The following MAN1C1 variants were observed in gnomAD, a reference collection of about 807,000 sequenced individuals.
MAN1C1 encodes the protein mannosidase alpha class 1C member 1, also known as mannosyl-oligosaccharide 1,2-alpha-mannosidase IC.
Under a neutral mutation model 71.5 loss-of-function variants are expected in MAN1C1, and 49 were observed. That is an observed-to-expected ratio of 0.69 (90% CI 0.54 to 0.87). The LOEUF (loss-of-function observed/expected upper bound fraction) is 0.87, where lower values mean the gene tolerates loss of function less well. MAN1C1 is among the 40% of genes least tolerant of loss of function. MAN1C1 has a pLI of 0.00. For missense variants in MAN1C1, 743 were observed against 835.0 expected (o/e 0.89, Z 1.36); for synonymous variants, 352 against 343.7 (o/e 1.02, Z -0.27).
rs753734076 is a variant in MAN1C1 at position 25,617,881 on chromosome 1, C to A, written c.84C>A (p.Phe28Leu). The A allele has an allele frequency of 5.6e-6, 9 of 1,608,622 alleles. No individual in the cohort carries two copies. The highest frequency in any genetic ancestry group is 7.6e-6 in the Non-Finnish European group (9 of 1,178,348). Reference protein sequence around the residue: ...RLPQKFLFLLFLSGLVTLCFG... With the variant: ...RLPQKFLFLLLLSGLVTLCFG... ...CGCAGAAGTTCCTCTTCCTCCTCTT[C>A]CTCTCGGGCCTGGTCACCCTGTGCT... Residue 28 changes from phenylalanine (F) to leucine (L), a missense_variant, in exon 1 of 12, where the codon TTC becomes TTA. Phe to Leu is a conservative substitution (Grantham distance 22). Transcript: ENST00000374332. This position sits in a 1 kb window ranked among gnomAD's most constrained non-coding sequence, Gnocchi z 5.1.
rs1343442300 is a variant in MAN1C1 at position 25,686,359 on chromosome 1, CA to C, written c.541-79del. ...TATCTTTTAGTTTAAAAACACGTTG[CA>C]AGGGGCAAAGCCAGGCGGCCAGTGC... On this transcript the variant is annotated intron_variant, in intron 1 of 11. Coordinates refer to ENST00000374332, the MANE Select transcript of MAN1C1 (RefSeq NM_020379.4). 2.5e-6 allele frequency: 3 copies of C among 1,177,840 alleles called. No individual in the cohort carries two copies. In the African/African-American group the frequency reaches 4.6e-5, roughly 18 times the overall value. The allele number at this position is 1,177,840 out of a possible 1,614,324, so 73.0% of individuals were successfully genotyped here.
intron 1 of MAN1C1, among the ~76,000 whole-genome samples, chr1:25,662,965 A>G (rs1387186784): frequency 1.3e-5 from 2 of 151,758 alleles, no homozygotes; most frequent in Non-Finnish European, 2.9e-5. Flanking sequence ...AGGCTGAGGC[A>G]GAAGAATTGC....
chr1:25,749,111 G>A, intron 3 of MAN1C1, 144 bp from the exon 4 acceptor site: 1 of 587,062 alleles, frequency 1.7e-6, no homozygotes, highest in Admixed American at 3.2e-5. Context: ...CTTGACTTTT[G>A]TTATGAAAAC....
At chr1:25,665,528 C>T (rs1162341810) in intron 1 of MAN1C1, among the ~76,000 whole-genome samples, 5 of 152,168 alleles carry the variant, frequency 3.3e-5, no homozygotes, top group East Asian at 1.9e-4. Context: ...CTTTGGATAA[C>T]GCTGTGTCCC....
At chr1:25,712,368 C>G (rs964573912) in intron 2 of MAN1C1, among the ~76,000 whole-genome samples, 2 of 152,200 alleles carry the variant, frequency 1.3e-5, no homozygotes, top group African/African-American at 2.4e-5. Context: ...GTGGGCTGCT[C>G]TCAGGGAGGG....
At chr1:25,757,277 A>G (rs560518091) in intron 5 of MAN1C1, among the ~76,000 whole-genome samples, 1 of 152,328 alleles carries the variant, frequency 6.6e-6, no homozygotes, top group African/African-American at 2.4e-5. Context: ...CTGGGAGGGC[A>G]GTGTGACCAG....
intron 1 of MAN1C1, among the ~76,000 whole-genome samples, chr1:25,632,589 G>A (rs893232013): frequency 6.6e-6 from 1 of 152,162 alleles, no homozygotes; most frequent in Admixed American, 6.6e-5. Context: ...TGTAACATTA[G>A]GTTGTCAATT....
At chr1:25,724,045 T>G (rs2046800993) in intron 2 of MAN1C1, among the ~76,000 whole-genome samples, 2 of 150,910 alleles carry the variant, frequency 1.3e-5, no homozygotes, top group African/African-American at 2.4e-5. Flanking sequence ...TTTTTTTTTT[T>G]GAAACAGAGT....
At chr1:25,624,939 C>T (rs920628042) in intron 1 of MAN1C1, among the ~76,000 whole-genome samples, 1 of 151,434 alleles carries the variant, frequency 6.6e-6, no homozygotes, top group Non-Finnish European at 1.5e-5. Flanking sequence ...TATACAACAA[C>T]CTTGTGTTGT....
At chr1:25,772,500 T>C (rs1261023017) in intron 8 of MAN1C1, 3 of 152,288 alleles carry the variant, frequency 2.0e-5, no homozygotes, top group Non-Finnish European at 4.4e-5. Flanking sequence ...ACTCAACAGA[T>C]ACTTTGGAGC....
At chr1:25,750,278 T>C (rs1182666393) in intron 4 of MAN1C1, among the ~76,000 whole-genome samples, 2 of 152,202 alleles carry the variant, frequency 1.3e-5, no homozygotes, top group Non-Finnish European at 2.9e-5. Context: ...ATGGGAGGCT[T>C]CTTCATCCCC....
chr1:25,723,222 GC>G (rs1454761282), intron 2 of MAN1C1, among the ~76,000 whole-genome samples: 2 of 152,182 alleles, frequency 1.3e-5, no homozygotes, highest in Non-Finnish European at 2.9e-5. Flanking sequence ...GCATCAAGAG[GC>G]CCTCTGTCGT....
intron 2 of MAN1C1, among the ~76,000 whole-genome samples, chr1:25,727,501 C>G (rs1324663727): frequency 6.6e-6 from 1 of 152,216 alleles, no homozygotes; most frequent in Admixed American, 6.5e-5. Flanking sequence ...GACAAAATGG[C>G]CTTGCCCCCG....
At chr1:25,773,277 G>A (rs1332399219) in intron 8 of MAN1C1, among the ~76,000 whole-genome samples, 1 of 151,658 alleles carries the variant, frequency 6.6e-6, no homozygotes, top group African/African-American at 2.4e-5. Flanking sequence ...AGATAGATGG[G>A]TGGGTGGGTG....
chr1:25,622,589 CT>C (rs1387219452), intron 1 of MAN1C1, among the ~76,000 whole-genome samples: 6 of 152,158 alleles, frequency 3.9e-5, no homozygotes, highest in South Asian at 2.1e-4. Flanking sequence ...CCCAAGAGGC[CT>C]TTTAGAAGTT....
chr1:25,780,848 C>T (rs955332296), intron 9 of MAN1C1, 92 bp from the exon 10 acceptor site: 46 of 1,380,724 alleles, frequency 3.3e-5, no homozygotes, highest in Admixed American at 2.5e-4. Flanking sequence ...TCACCCTGGC[C>T]GCGGGTTCAA....
At chr1:25,709,280 C>T (rs948005519) in intron 2 of MAN1C1, among the ~76,000 whole-genome samples, 7 of 152,130 alleles carry the variant, frequency 4.6e-5, no homozygotes, top group Non-Finnish European at 7.3e-5. Context: ...GCAGTAAGAC[C>T]GGCTAAGCTA....
At chr1:25,783,561 T>C (rs1022657134) in intron 11 of MAN1C1, 102 bp from the exon 12 acceptor site, 6 of 1,345,274 alleles carry the variant, frequency 4.5e-6, no homozygotes, top group Middle Eastern at 1.8e-4. Context: ...ACCTTGACCA[T>C]AGGCCTATCA....
chr1:25,653,438 C>A (rs950251377), intron 1 of MAN1C1, among the ~76,000 whole-genome samples: 2 of 152,186 alleles, frequency 1.3e-5, no homozygotes, highest in Non-Finnish European at 2.9e-5. Context: ...TTATTAGGGG[C>A]CTTTATGGTA....
Sources: allele counts gnomAD v4.1 joint callset (sites outside exome capture counted in the v4.1 genomes callset), GRCh38; gene constraint gnomAD v4.1.1; non-coding constraint Gnocchi (gnomAD v3.1); transcripts MANE v1.5; gene names NCBI Gene and HGNC (gene_info 2026-07-23, HGNC 2026-07-21).